Variants in SPOCK3 observed in about 807,000 individuals in gnomAD.
SPOCK3 encodes SPARC (osteonectin), cwcv and kazal like domains proteoglycan 3, also known as testican-3.
A neutral mutation model predicts 56.6 loss-of-function variants in SPOCK3; 30 were observed. That is an observed-to-expected ratio of 0.53 (90% CI 0.40 to 0.72). The LOEUF (loss-of-function observed/expected upper bound fraction) is 0.72. Ranked by LOEUF, SPOCK3 falls within the 30% of genes least tolerant of loss-of-function variation. The pLI, the probability that SPOCK3 is intolerant of heterozygous loss-of-function variation, is 0.00. For synonymous variants in SPOCK3, 196 were observed against 183.3 expected (o/e 1.07, Z -0.56); for missense variants, 527 against 530.0 (o/e 0.99, Z 0.06).
At chr4:167,096,926 G>A (rs980351838) in intron 2 of SPOCK3, among the ~76,000 whole-genome samples, 5 of 151,676 alleles carry the variant, frequency 3.3e-5, no homozygotes, top group Admixed American at 6.6e-5. Flanking sequence ...TGCCTTACAT[G>A]TTTTGACACT....
intron 6 of SPOCK3, among the ~76,000 whole-genome samples, chr4:166,803,243 T>G (rs931815349): frequency 6.6e-6 from 1 of 152,304 alleles, no homozygotes; most frequent in East Asian, 1.9e-4. Flanking sequence ...ACAATTTCTA[T>G]AGCCATTAAA....
chr4:166,911,333 T>G (rs1737244265), intron 5 of SPOCK3, among the ~76,000 whole-genome samples: 1 of 152,142 alleles, frequency 6.6e-6, no homozygotes, highest in Admixed American at 6.6e-5. Flanking sequence ...GTGGAAGTTT[T>G]GGGGAAATAT....
intron 6 of SPOCK3, among the ~76,000 whole-genome samples, chr4:166,863,069 G>A (rs540500063): frequency 1.6e-4 from 25 of 152,106 alleles, no homozygotes; most frequent in Non-Finnish European, 3.5e-4. Flanking sequence ...TCTCTCTGCC[G>A]AAACCCTACA....
intron 4 of SPOCK3, among the ~76,000 whole-genome samples, chr4:166,986,348 C>T (rs772344689): frequency 1.7e-4 from 26 of 152,212 alleles, no homozygotes; most frequent in African/African-American, 2.6e-4. Flanking sequence ...AGTCTCTTTC[C>T]TTAGTTGGAG....
rs1253630622 is a variant in SPOCK3, at chr4:167,109,127, T to TA, written c.190-46591_190-46590insT. 2.9e-3 allele frequency among the ~76,000 whole-genome samples: 2 copies of TA among 696 alleles called. 1 individual carries two copies. The highest frequency in any genetic ancestry group is 0.12 in the East Asian group (2 of 16). The allele number at this position is 696 out of a possible 152,430, so 0.5% of individuals were successfully genotyped here. A position where few individuals can be genotyped will look rare whatever the true frequency, so the allele number is the denominator to read the frequency against. The stretch of plus-strand genomic sequence containing the variant: ...ATTTATATAAAAATATATATAAATA[T>TA]TATATATTTATATAAAAATATATAT... On this transcript the variant is annotated intron_variant, in intron 2 of 10. Transcript: ENST00000357545.
intron 5 of SPOCK3, among the ~76,000 whole-genome samples, chr4:166,910,433 A>G (rs1325987538): frequency 1.3e-5 from 2 of 152,282 alleles, no homozygotes; most frequent in East Asian, 3.9e-4. Context: ...AAGGTATCAC[A>G]GTGTGCCTCA....
intron 2 of SPOCK3, among the ~76,000 whole-genome samples, chr4:167,168,406 C>T (rs1298445369): frequency 6.6e-6 from 1 of 152,138 alleles, no homozygotes; most frequent in Non-Finnish European, 1.5e-5. Context: ...TTCTTAGAGA[C>T]TTGCTGAATG....
At position 166,735,009 on chromosome 4, in the gene SPOCK3, A is replaced by T. The variant is rs144307556; in HGVS notation, c.1214T>A (p.Ile405Asn). 1.3e-6 allele frequency: 2 copies of T among 1,560,692 alleles called. No individual in the cohort carries two copies. The highest frequency in any genetic ancestry group is 1.7e-5 in the Admixed American group (1 of 59,638). The part of the protein sequence containing the change: ...WTDDEDDEDD[I>N]MNDEDEIEDD... ...TTCAATTTCATCTTCATCATTCATA[A>T]TATCGTCTTCATCATCCTCATCATC... The change falls in exon 11 of 11, where the codon ATT (isoleucine) becomes AAT (asparagine). Residue 405 changes from isoleucine to asparagine, a missense_variant. Coordinates refer to ENST00000357545, the MANE Select transcript of SPOCK3 (RefSeq NM_001040159.2).
chr4:166,854,134 C>A (rs986685142), intron 6 of SPOCK3, among the ~76,000 whole-genome samples: 1 of 152,130 alleles, frequency 6.6e-6, no homozygotes, highest in Non-Finnish European at 1.5e-5. Flanking sequence ...TGAACTTATA[C>A]GTAAATAAAC....
chr4:166,785,774 C>T (rs1013899435), intron 7 of SPOCK3, among the ~76,000 whole-genome samples: 1 of 152,104 alleles, frequency 6.6e-6, no homozygotes, highest in African/African-American at 2.4e-5. Context: ...CAGAATCTTG[C>T]CCTTTTGGAA....
intron 6 of SPOCK3, among the ~76,000 whole-genome samples, chr4:166,837,588 C>T (rs756561172): frequency 6.6e-6 from 1 of 152,166 alleles, no homozygotes; most frequent in Non-Finnish European, 1.5e-5. Flanking sequence ...CTTCCCATTA[C>T]ATCACTTTAC....
chr4:167,214,898 A>G (rs948381204), intron 2 of SPOCK3, among the ~76,000 whole-genome samples: 13 of 152,100 alleles, frequency 8.5e-5, no homozygotes, highest in African/African-American at 2.9e-4. Flanking sequence ...ATTTTCATAG[A>G]TCAGGAGTTG....
At chr4:167,063,445 C>T (rs186180656) in intron 2 of SPOCK3, among the ~76,000 whole-genome samples, 2 of 151,924 alleles carry the variant, frequency 1.3e-5, no homozygotes, top group Non-Finnish European at 2.9e-5. Context: ...GTAACATTTC[C>T]AAGCTCTAAA....
intron 2 of SPOCK3, among the ~76,000 whole-genome samples, chr4:167,091,872 C>T (rs1281268714): frequency 6.6e-6 from 1 of 152,058 alleles, no homozygotes; most frequent in Non-Finnish European, 1.5e-5. Flanking sequence ...GTAAGTTTTT[C>T]TTCCCCTGCA....
At chr4:167,037,107 C>G (rs1376057136) in intron 3 of SPOCK3, among the ~76,000 whole-genome samples, 1 of 152,194 alleles carries the variant, frequency 6.6e-6, no homozygotes, top group African/African-American at 2.4e-5. Flanking sequence ...GCTCTTCACT[C>G]ACTGAGGCAA....
chr4:166,956,572 T>G (rs540910122), intron 4 of SPOCK3, among the ~76,000 whole-genome samples: 1 of 152,196 alleles, frequency 6.6e-6, no homozygotes, highest in Non-Finnish European at 1.5e-5. Context: ...CAGTTAACAC[T>G]TATAAATTGT....
At position 167,003,056 on chromosome 4, in the gene SPOCK3, T is replaced by A. The variant is rs145477428; in HGVS notation, c.236-2593A>T. 1.2e-4 allele frequency among the ~76,000 whole-genome samples: 17 copies of A among 142,742 alleles called. No homozygotes were observed. The East Asian group carries it at 3.6e-3, about 30-fold the overall frequency. 93.6% of individuals were successfully genotyped at this position (142,742 alleles called of 152,430 possible). ...AAAATTTTGATTAATCTAGTTACGA[T>A]TCCAATGCAGACTGGTATGATTATA... On this transcript the variant is annotated intron_variant, in intron 3 of 10. Transcript: ENST00000357545.
intron 6 of SPOCK3, among the ~76,000 whole-genome samples, chr4:166,846,827 A>T (rs1318954311): frequency 6.6e-6 from 1 of 152,132 alleles, no homozygotes. Context: ...TGACATATTT[A>T]AGAAATGAAC....
At chr4:166,841,281 CATTTCT>C (rs1747275284) in intron 6 of SPOCK3, among the ~76,000 whole-genome samples, 1 of 152,080 alleles carries the variant, frequency 6.6e-6, no homozygotes, top group South Asian at 2.1e-4. Context: ...CAATCATTTC[CATTTCT>C]GTCTGTGGAG....
Sources: gnomAD v4.1 joint callset for allele counts (sites outside exome capture counted in the v4.1 genomes callset) on GRCh38, gnomAD v4.1.1 for gene constraint, MANE v1.5 for transcripts, NCBI Gene and HGNC (gene_info 2026-07-23, HGNC 2026-07-21) for gene names.